The following ESR2 variants were observed in gnomAD, a reference collection of about 807,000 sequenced individuals.
ESR2 encodes estrogen receptor 2.
In ESR2, 36 loss-of-function variants were observed where a neutral mutation model predicts 49.6. That is an observed-to-expected ratio of 0.73 (90% CI 0.56 to 0.96). The LOEUF is 0.96. ESR2 is among the 40% of genes least tolerant of loss of function. The pLI is 0.00. For missense variants in ESR2, 714 were observed against 693.0 expected (o/e 1.03, Z -0.34); for synonymous variants, 320 against 266.1 (o/e 1.20, Z -1.97).
chr14:64,267,891 A>G (rs2076364050), intron 4 of ESR2, among the ~76,000 whole-genome samples: 1 of 151,998 alleles, frequency 6.6e-6, no homozygotes, highest in African/African-American at 2.4e-5. Flanking sequence ...CTCAAAAAAA[A>G]AAAAAAAAAG....
In ESR2 at chr14:64,264,478, T is replaced by A. The variant is rs201725410; in HGVS notation, c.653-3730A>T. 3.3e-4 allele frequency among the ~76,000 whole-genome samples: 31 copies of A among 93,330 alleles called. No individual in the cohort carries two copies. The East Asian group carries it at 7.0e-3, about 21-fold the overall frequency. 61.2% of individuals were successfully genotyped at this position (93,330 alleles called of 152,430 possible). ...TGTATGTTTTTCTTAATTTTTTTAA[T>A]ATACTTTAGGTTCTGGGATACATGT... On this transcript the variant is annotated intron_variant, in intron 4 of 8. Coordinates refer to ENST00000341099, the MANE Select transcript of ESR2 (RefSeq NM_001437.3).
chr14:64,265,617 A>G (rs1237243864), intron 4 of ESR2, among the ~76,000 whole-genome samples: 6 of 152,224 alleles, frequency 3.9e-5, no homozygotes, highest in Admixed American at 2.0e-4. Context: ...TATTGTCCCA[A>G]TATGGGGATA....
intron 4 of ESR2, among the ~76,000 whole-genome samples, chr14:64,266,976 G>T (rs2076343305): frequency 6.6e-6 from 1 of 152,150 alleles, no homozygotes; most frequent in East Asian, 1.9e-4. Context: ...CACCTCCCAG[G>T]TTCAAACTAT....
At chr14:64,324,345 A>T (rs1201257100) in intron 1 of ESR2, among the ~76,000 whole-genome samples, 2 of 152,218 alleles carry the variant, frequency 1.3e-5, no homozygotes, top group Non-Finnish European at 2.9e-5. Flanking sequence ...ATAAAATTAG[A>T]AGCATAACTC....
intron 3 of ESR2, among the ~76,000 whole-genome samples, chr14:64,276,427 A>G (rs954629212): frequency 6.6e-6 from 1 of 152,232 alleles, no homozygotes; most frequent in East Asian, 1.9e-4. Context: ...TACATCACGT[A>G]TCAATGTAGC....
Position 64,310,591 on chromosome 14 carries a change from C to A in ESR2, c.-91+27307G>T, listed in dbSNP as rs147725637. 5.3e-3 allele frequency among the ~76,000 whole-genome samples: 800 copies of A among 151,808 alleles called. 5 individuals carry two copies. The highest frequency in any genetic ancestry group is 8.1e-3 in the Non-Finnish European group (552 of 67,960). ...GTTTCAAGCAATTCTCCTGCCTCTG[C>A]CTCCCAAGCAGCTGGAATTACAGGT... On this transcript the variant is annotated intron_variant, in intron 1 of 8. Transcript: ENST00000358599.
chr14:64,285,808 C>T (rs2076773925), intron 1 of ESR2, among the ~76,000 whole-genome samples: 1 of 119,824 alleles, frequency 8.3e-6, no homozygotes, highest in Non-Finnish European at 1.6e-5. Context: ...GCCCAGGTGA[C>T]AGAGTGAGAC....
At chr14:64,242,699 T>C (rs1015406008) in intron 7 of ESR2, among the ~76,000 whole-genome samples, 20 of 152,118 alleles carry the variant, frequency 1.3e-4, no homozygotes, top group African/African-American at 4.8e-4. Context: ...TTAGTCTGAG[T>C]GTTCTATCAG....
intron 1 of ESR2, among the ~76,000 whole-genome samples, chr14:64,307,978 T>G (rs909381882): frequency 1.3e-5 from 2 of 152,010 alleles, no homozygotes; most frequent in African/African-American, 4.8e-5. Context: ...TTTAACTTAC[T>G]CTTTTTCTAA....
At chr14:64,271,975 T>C (rs894845514) in intron 3 of ESR2, among the ~76,000 whole-genome samples, 10 of 152,268 alleles carry the variant, frequency 6.6e-5, no homozygotes, top group African/African-American at 2.4e-4. Context: ...TTGAGGAAAC[T>C]TCAAACTGTT....
chr14:64,314,026 C>T (rs1363703061), intron 1 of ESR2, among the ~76,000 whole-genome samples: 1 of 152,100 alleles, frequency 6.6e-6, no homozygotes, highest in Non-Finnish European at 1.5e-5. Context: ...TCAACAAAAT[C>T]CAATTGACAT....
intron 1 of ESR2, among the ~76,000 whole-genome samples, chr14:64,337,096 GCA>G (rs1250070203): frequency 3.9e-5 from 6 of 152,192 alleles, no homozygotes; most frequent in Non-Finnish European, 8.8e-5. Flanking sequence ...AGTGTTCTTG[GCA>G]CAGAGTGGCA....
chr14:64,277,408 A>G (rs997529851), intron 3 of ESR2, among the ~76,000 whole-genome samples: 1 of 151,894 alleles, frequency 6.6e-6, no homozygotes, highest in Non-Finnish European at 1.5e-5. Context: ...GGCGGATCAC[A>G]AGGTCAGGAG....
At chr14:64,309,102 T>C (rs2077151635) in intron 1 of ESR2, among the ~76,000 whole-genome samples, 2 of 152,194 alleles carry the variant, frequency 1.3e-5, no homozygotes, top group African/African-American at 2.4e-5. Flanking sequence ...TAATGTGCAG[T>C]TGTTGTTCAG....
chr14:64,259,103 T>C (rs182652344), intron 5 of ESR2, among the ~76,000 whole-genome samples: 163 of 152,300 alleles, frequency 1.1e-3, no homozygotes, highest in African/African-American at 3.8e-3. Context: ...GGAATACATT[T>C]AAAGCAAAAA....
Position 64,276,490 on chromosome 14 carries a change from C to T in ESR2, c.535+3491G>A, listed in dbSNP as rs559496209. 2.6e-4 allele frequency among the ~76,000 whole-genome samples: 39 copies of T among 152,226 alleles called. No individual in the cohort carries two copies. The South Asian group carries it at 3.7e-3, about 15-fold the overall frequency. On this transcript the variant is annotated intron_variant, in intron 3 of 8. Transcript: ENST00000341099. Reference sequence around the variant, plus strand: ...AATGCTACCAAGAGGTTGGAAAAAGCGACACTCACACTGCTGGTAAAAGAG... The same window carrying T: ...AATGCTACCAAGAGGTTGGAAAAAGTGACACTCACACTGCTGGTAAAAGAG...
At chr14:64,297,097 C>A (rs1417279204), upstream of ESR2, among the ~76,000 whole-genome samples, 3 of 152,112 alleles carry the variant, frequency 2.0e-5, no homozygotes, top group African/African-American at 7.2e-5. Flanking sequence ...TCCACCTCAC[C>A]CCTGACCTGC....
rs146413257 is a variant in ESR2, at chr14:64,232,598, T to C, written c.*539A>G. On this transcript the variant is annotated 3_prime_UTR_variant, in exon 9 of 9. Coordinates refer to ENST00000341099, the MANE Select transcript of ESR2 (RefSeq NM_001437.3). ...CCTCTGGCCTTTGACAGAATAAGCA[T>C]CATATGATATGATCAGTCCCCACAG... 2.2e-3 allele frequency: 331 copies of C among 152,728 alleles called. 5 individuals are homozygous for C. The highest frequency in any genetic ancestry group is 3.4e-3 in the Middle Eastern group (1 of 296). The allele number at this position is 152,728 out of a possible 1,614,324, so 9.5% of individuals were successfully genotyped here.
At chr14:64,253,460 G>A (rs1034289483) in intron 6 of ESR2, among the ~76,000 whole-genome samples, 1 of 151,986 alleles carries the variant, frequency 6.6e-6, no homozygotes, top group Non-Finnish European at 1.5e-5. Flanking sequence ...CCAAGTGCTG[G>A]GATTACAGGC....
Sources: allele counts gnomAD v4.1 joint callset (sites outside exome capture counted in the v4.1 genomes callset), GRCh38; gene constraint gnomAD v4.1.1; transcripts MANE v1.5; gene names NCBI Gene and HGNC (gene_info 2026-07-23, HGNC 2026-07-21).